Variants in CNTN5 observed in about 807,000 individuals in gnomAD.
CNTN5 encodes the protein contactin 5.
CNTN5 carries 77 observed loss-of-function variants against 129.1 expected under a neutral mutation model. That is an observed-to-expected ratio of 0.60 (90% CI 0.50 to 0.72). CNTN5 has a LOEUF of 0.72. Among genes scored for constraint, CNTN5 ranks in the 30% least tolerant of loss-of-function variants. The pLI, the probability that CNTN5 is intolerant of heterozygous loss-of-function variation, is 0.00. For missense variants in CNTN5, 1,478 were observed against 1,328.8 expected, an observed-to-expected ratio of 1.11 and a Z score of -1.75; for synonymous variants, 509 against 465.6, an observed-to-expected ratio of 1.09 and a Z score of -1.20.
chr11:99,222,725 T>C (rs549120341), intron 1 of CNTN5, among the ~76,000 whole-genome samples: 1 of 152,270 alleles, frequency 6.6e-6, no homozygotes, highest in South Asian at 2.1e-4. Flanking sequence ...ATTTGAATCG[T>C]AATGCAGGAT....
intron 1 of CNTN5, among the ~76,000 whole-genome samples, chr11:99,264,151 A>T (rs756821583): frequency 1.3e-5 from 2 of 151,710 alleles, no homozygotes; most frequent in Non-Finnish European, 2.9e-5. Flanking sequence ...CAGGATACCT[A>T]TTTCTACAAC....
chr11:99,212,883 T>C (rs1456306006), intron 1 of CNTN5, among the ~76,000 whole-genome samples: 1 of 152,106 alleles, frequency 6.6e-6, no homozygotes, highest in Non-Finnish European at 1.5e-5. Flanking sequence ...AGTAATTACA[T>C]ATAGGCTACA....
At chr11:99,216,513 C>T (rs1419981332) in intron 1 of CNTN5, among the ~76,000 whole-genome samples, 1 of 151,874 alleles carries the variant, frequency 6.6e-6, no homozygotes, top group African/African-American at 2.4e-5. Flanking sequence ...TGGATATATA[C>T]CCAGCTGTGG....
chr11:99,609,287 T>A (rs1950525263), intron 3 of CNTN5, among the ~76,000 whole-genome samples: 1 of 152,136 alleles, frequency 6.6e-6, no homozygotes, highest in Non-Finnish European at 1.5e-5. Context: ...CCCAAAGAGA[T>A]AAGTGGCAAG....
intron 9 of CNTN5, among the ~76,000 whole-genome samples, chr11:100,033,948 C>T (rs1339430679): frequency 1.3e-5 from 2 of 152,150 alleles, no homozygotes; most frequent in Non-Finnish European, 2.9e-5. Flanking sequence ...ATCCTTCTTT[C>T]CTCAACTCAT....
intron 3 of CNTN5, among the ~76,000 whole-genome samples, chr11:99,563,463 A>T (rs1480270111): frequency 6.6e-6 from 1 of 152,232 alleles, no homozygotes; most frequent in East Asian, 1.9e-4. Flanking sequence ...CTGTTTATGG[A>T]AATTCAATTC....
At chr11:100,188,267 A>G (rs1399002936) in intron 13 of CNTN5, among the ~76,000 whole-genome samples, 1 of 152,130 alleles carries the variant, frequency 6.6e-6, no homozygotes, top group Non-Finnish European at 1.5e-5. Context: ...AACATGGTGA[A>G]ACCATATCTC....
chr11:99,024,618 G>A (rs1316066493), intron 1 of CNTN5, among the ~76,000 whole-genome samples: 3 of 151,914 alleles, frequency 2.0e-5, no homozygotes, highest in Non-Finnish European at 4.4e-5. Flanking sequence ...TTATATCCCA[G>A]AGTAGTGCAT....
At chr11:99,852,241 A>G (rs1050912923) in intron 6 of CNTN5, among the ~76,000 whole-genome samples, 2 of 152,228 alleles carry the variant, frequency 1.3e-5, no homozygotes, top group African/African-American at 4.8e-5. Context: ...CATAATAGAT[A>G]CAGTAACTGT....
intron 1 of CNTN5, among the ~76,000 whole-genome samples, chr11:99,036,142 T>TTTTCA (rs1405163746): frequency 6.6e-6 from 1 of 152,182 alleles, no homozygotes; most frequent in Admixed American, 6.5e-5. Flanking sequence ...ATGGCTTATT[T>TTTTCA]TTTCACGTTG....
intron 13 of CNTN5, among the ~76,000 whole-genome samples, chr11:100,175,653 G>C (rs1947943635): frequency 1.3e-5 from 2 of 152,094 alleles, no homozygotes; most frequent in South Asian, 4.1e-4. Context: ...CAAAGAGCCT[G>C]GTTGAAATTA....
At chr11:100,067,696 G>T in intron 10 of CNTN5, among the ~76,000 whole-genome samples, 1 of 151,958 alleles carries the variant, frequency 6.6e-6, no homozygotes, top group East Asian at 1.9e-4. Context: ...TTTACTTGTA[G>T]AATTCTTGGT....
At chr11:99,219,429 T>C (rs981031025) in intron 1 of CNTN5, among the ~76,000 whole-genome samples, 3 of 151,918 alleles carry the variant, frequency 2.0e-5, no homozygotes, top group South Asian at 2.1e-4. Context: ...AGGTGAGTAA[T>C]TTTGCCTATG....
chr11:100,256,626 G>C (rs1267900221), intron 17 of CNTN5, among the ~76,000 whole-genome samples: 1 of 152,116 alleles, frequency 6.6e-6, no homozygotes, highest in African/African-American at 2.4e-5. Flanking sequence ...GGACTGGTTA[G>C]ACAGTGGGTG....
At chr11:99,823,170 A>G (rs913427169) in intron 4 of CNTN5, among the ~76,000 whole-genome samples, 4 of 152,184 alleles carry the variant, frequency 2.6e-5, no homozygotes, top group African/African-American at 9.7e-5. Context: ...TGCTTCCCTG[A>G]CCCACGAAGG....
intron 2 of CNTN5, among the ~76,000 whole-genome samples, chr11:99,489,932 T>C (rs1945970528): frequency 6.6e-6 from 1 of 152,170 alleles, no homozygotes; most frequent in Non-Finnish European, 1.5e-5. Flanking sequence ...TTTTGCATAT[T>C]ATGGGGGATT....
At chr11:99,805,971 T>C (rs1012346818) in intron 3 of CNTN5, among the ~76,000 whole-genome samples, 1 of 152,188 alleles carries the variant, frequency 6.6e-6, no homozygotes, top group African/African-American at 2.4e-5. Context: ...TAAAGAAATA[T>C]TTGGACAGCA....
chr11:99,597,685 A>T (rs1406994991), intron 3 of CNTN5, among the ~76,000 whole-genome samples: 6 of 152,110 alleles, frequency 3.9e-5, no homozygotes, highest in Non-Finnish European at 8.8e-5. Flanking sequence ...TTATTATAAG[A>T]CTAACTTGTG....
At chr11:99,310,958 G>A (rs1291042198) in intron 1 of CNTN5, among the ~76,000 whole-genome samples, 1 of 151,006 alleles carries the variant, frequency 6.6e-6, no homozygotes, top group Non-Finnish European at 1.5e-5. Flanking sequence ...TTGAGACGGA[G>A]TCTCGCTTTG....
Sources: gnomAD v4.1 joint callset for allele counts (sites outside exome capture counted in the v4.1 genomes callset) on GRCh38, gnomAD v4.1.1 for gene constraint, MANE v1.5 for transcripts, NCBI Gene and HGNC (gene_info 2026-07-23, HGNC 2026-07-21) for gene names.